The following PLEKHD1 variants were observed in gnomAD, a reference collection of about 807,000 sequenced individuals.
PLEKHD1 encodes the protein pleckstrin homology and coiled-coil domain containing D1.
PLEKHD1 carries 51 observed loss-of-function variants against 69.2 expected under a neutral mutation model. The observed-to-expected ratio is 0.74, with a 90% CI of 0.59 to 0.93. PLEKHD1 has a LOEUF of 0.93. PLEKHD1 is among the 40% of genes least tolerant of loss of function. The probability of loss-of-function intolerance (pLI) is 0.00; values close to 1 mark genes in which losing one functional copy is unlikely to be tolerated. For synonymous variants in PLEKHD1, 236 were observed against 244.7 expected, an observed-to-expected ratio of 0.96 and a Z score of 0.33; for missense variants, 584 against 641.0, an observed-to-expected ratio of 0.91 and a Z score of 0.96.
At chr14:69,506,851 A>G (rs1357168869) in intron 6 of PLEKHD1, among the ~76,000 whole-genome samples, 2 of 148,742 alleles carry the variant, frequency 1.3e-5, no homozygotes, top group Non-Finnish European at 3.0e-5. Flanking sequence ...TCACTGCCCT[A>G]AAAATGCTCA....
At chr14:69,502,562 TG>T in intron 5 of PLEKHD1, 1 of 489,208 alleles carries the variant, frequency 2.0e-6, no homozygotes, top group Non-Finnish European at 3.7e-6. Flanking sequence ...GCAGCAGGCC[TG>T]GGGGATGCAG....
chr14:69,481,914 C>T (rs965025861), upstream of PLEKHD1, among the ~76,000 whole-genome samples: 22 of 152,128 alleles, frequency 1.4e-4, no homozygotes, highest in Admixed American at 7.9e-4. Flanking sequence ...CTTGTTCTGT[C>T]TTCTGTAGAA....
chr14:69,494,939 A>T (rs959064485), intron 1 of PLEKHD1, among the ~76,000 whole-genome samples: 1 of 152,104 alleles, frequency 6.6e-6, no homozygotes, highest in Admixed American at 6.5e-5. Context: ...GGCCGAACTC[A>T]TTCCTGCCTG....
Position 69,501,726 on chromosome 14 carries a change from C to A in PLEKHD1, c.411-8C>A. 1 of 1,548,306 alleles carries A rather than the reference C, an allele frequency of 6.5e-7. No individual in the cohort carries two copies. The highest frequency in any genetic ancestry group is 2.4e-5 in the East Asian group (1 of 40,894). On this transcript the variant is annotated splice_polypyrimidine_tract_variant and splice_region_variant and intron_variant, in intron 4 of 12. Transcript: ENST00000322564. ...CTCTCCTCTGTCCCATCTGCCCTCC[C>A]TCCCCAGGACCTGGAAGAATGCCCA...
upstream of PLEKHD1, among the ~76,000 whole-genome samples, chr14:69,482,911 GAAAGAAAA>G (rs754320087): frequency 0.12 from 17,422 of 147,264 alleles, 1,093 homozygotes; most frequent in East Asian, 0.17. Flanking sequence ...AAAAAAGAAA[GAAAGAAAA>G]AAAGAAAGAA....
At chr14:69,472,256 A>G in the PLEKHD1 span, among the ~76,000 whole-genome samples, 1 of 152,154 alleles carries the variant, frequency 6.6e-6, no homozygotes, top group South Asian at 2.1e-4. Flanking sequence ...ACATGTATGT[A>G]TGTCTGTTTT....
At chr14:69,476,402 A>G in the PLEKHD1 span, among the ~76,000 whole-genome samples, 1 of 151,978 alleles carries the variant, frequency 6.6e-6, no homozygotes, top group East Asian at 1.9e-4. Flanking sequence ...ATTTCAAAAA[A>G]AAAAAAAAGT....
chr14:69,515,261 T>G (rs1171526622), intron 6 of PLEKHD1, among the ~76,000 whole-genome samples: 2 of 152,182 alleles, frequency 1.3e-5, no homozygotes, highest in African/African-American at 4.8e-5. Flanking sequence ...AATGGCTGCT[T>G]TCCCCTTATA....
intron 6 of PLEKHD1, among the ~76,000 whole-genome samples, chr14:69,518,977 G>A (rs747383722): frequency 2.0e-5 from 3 of 152,158 alleles, no homozygotes; most frequent in Non-Finnish European, 4.4e-5. Context: ...GGACATGCAG[G>A]CTTCCTAGCT....
Position 69,500,543 on chromosome 14 carries a change from G to C in PLEKHD1, c.244-34G>C, listed in dbSNP as rs552400096. On this transcript the variant is annotated intron_variant, in intron 2 of 12. Transcript: ENST00000322564. ...AACCCCTGAGTGACCCCAGTTGGGT[G>C]GGGTGGGGGCTGCCTGTTCTGGTTC... is the stretch of plus-strand genomic sequence containing the variant. 1.1e-3 allele frequency: 1,676 copies of C among 1,514,272 alleles called. 21 individuals carry two copies. In the South Asian group the frequency reaches 0.02, roughly 18 times the overall value. The allele number at this position is 1,514,272 out of a possible 1,614,324, so 93.8% of individuals were successfully genotyped here.
At chr14:69,511,698 C>T (rs60464619) in intron 6 of PLEKHD1, among the ~76,000 whole-genome samples, 1,702 of 152,012 alleles carry the variant, frequency 0.011, 34 homozygotes, top group African/African-American at 0.039. Flanking sequence ...TACAGGTGTG[C>T]GCCACCATAC....
upstream of PLEKHD1, among the ~76,000 whole-genome samples, chr14:69,481,052 GA>G (rs747644310): frequency 9.9e-5 from 15 of 152,176 alleles, no homozygotes; most frequent in Non-Finnish European, 1.8e-4. Flanking sequence ...TTGTTTTATG[GA>G]AAAGTGGGGA....
intron 1 of PLEKHD1, among the ~76,000 whole-genome samples, chr14:69,486,973 C>A (rs1270538250): frequency 6.6e-6 from 1 of 152,218 alleles, no homozygotes; most frequent in East Asian, 1.9e-4. Flanking sequence ...CGAAACGATG[C>A]AATCAGAGTC....
At chr14:69,498,324 C>CT (rs968672598) in intron 1 of PLEKHD1, among the ~76,000 whole-genome samples, 1 of 152,052 alleles carries the variant, frequency 6.6e-6, no homozygotes, top group African/African-American at 2.4e-5. Context: ...AGTGATCTAC[C>CT]TGCCTCAGCC....
intron 5 of PLEKHD1, chr14:69,502,377 G>A (rs1174756030): frequency 4.5e-6 from 1 of 223,180 alleles, no homozygotes; most frequent in East Asian, 1.1e-4. Flanking sequence ...GTTTGGGAGA[G>A]AAGATGAGAC....
intron 6 of PLEKHD1, among the ~76,000 whole-genome samples, chr14:69,509,476 A>G (rs1883222217): frequency 6.6e-6 from 1 of 152,130 alleles, no homozygotes. Flanking sequence ...GACATCACCT[A>G]GGTTGTCTCC....
the PLEKHD1 span, among the ~76,000 whole-genome samples, chr14:69,475,984 G>A: frequency 0.13 from 19,048 of 152,254 alleles, 1,317 homozygotes; most frequent in East Asian, 0.18. Flanking sequence ...ACTGCCGGGT[G>A]GAATGGCTCA....
At chr14:69,495,297 T>C (rs1882863807) in intron 1 of PLEKHD1, among the ~76,000 whole-genome samples, 1 of 152,176 alleles carries the variant, frequency 6.6e-6, no homozygotes. Context: ...CAACATCCCC[T>C]AATGAATCTC....
chr14:69,519,938 G>A (rs1883472655), intron 6 of PLEKHD1, among the ~76,000 whole-genome samples: 1 of 152,020 alleles, frequency 6.6e-6, no homozygotes, highest in Non-Finnish European at 1.5e-5. Context: ...AAGGTGGGTG[G>A]ATCACCCGAG....
Sources: allele counts gnomAD v4.1 joint callset (sites outside exome capture counted in the v4.1 genomes callset), GRCh38; gene constraint gnomAD v4.1.1; transcripts MANE v1.5; gene names NCBI Gene and HGNC (gene_info 2026-07-23, HGNC 2026-07-21).